Variants in PIKFYVE observed in about 807,000 individuals in gnomAD.
PIKFYVE encodes 1-phosphatidylinositol 3-phosphate 5-kinase.
A neutral mutation model predicts 257.9 loss-of-function variants in PIKFYVE; 122 were observed. That is an observed-to-expected ratio of 0.47 (90% CI 0.41 to 0.55). The LOEUF (loss-of-function observed/expected upper bound fraction) is 0.55. Among genes scored for constraint, PIKFYVE ranks in the 20% least tolerant of loss-of-function variants. PIKFYVE has a pLI of 0.00. For synonymous variants in PIKFYVE, 892 were observed against 868.9 expected (o/e 1.03, Z -0.47); for missense variants, 2,160 against 2,536.6 (o/e 0.85, Z 3.19).
chr2:208,353,812 G>A, intron 39 of PIKFYVE, 86 bp from the exon 40 acceptor site: 1 of 1,490,530 alleles, frequency 6.7e-7, no homozygotes. Flanking sequence ...ACTATAAGGA[G>A]TCTTTCTGCC....
rs149566519 is a variant in PIKFYVE, at chr2:208,304,932, G to A, written c.1555G>A (p.Val519Met). The change falls in exon 12 of 42, where the codon GTG (valine) becomes ATG (methionine). Residue 519 changes from valine (V) to methionine (M), a missense_variant. Physicochemically the swap from Val to Met is conservative, Grantham distance 21. Transcript: ENST00000264380. ...SDSAASISLN[V>M]ELDNVNFHIK... The stretch of plus-strand genomic sequence containing the variant: ...CTCAGCCGCTTCTATCAGCCTGAAC[G>A]TGGAGCTGGACAACGTGAACTTCCA... 1.5e-5 allele frequency: 25 copies of A among 1,613,968 alleles called. No individual in the cohort carries two copies. Among genetic ancestry groups the A allele is most frequent in the Middle Eastern group, 1.6e-4 (1 of 6,084 alleles).
chr2:208,288,475 TA>T (rs1463676844), intron 6 of PIKFYVE, among the ~76,000 whole-genome samples: 1 of 152,236 alleles, frequency 6.6e-6, no homozygotes, highest in Non-Finnish European at 1.5e-5. Context: ...CCCATCCAAC[TA>T]ACTTTATTTA....
At chr2:208,338,451 T>G in intron 28 of PIKFYVE, 57 bp from the exon 29 acceptor site, 3 of 1,554,744 alleles carry the variant, frequency 1.9e-6, no homozygotes, top group Non-Finnish European at 1.8e-6. Context: ...GATTAAAAAA[T>G]TTTTTGAATG....
chr2:208,288,109 C>T (rs1271726057), intron 6 of PIKFYVE, among the ~76,000 whole-genome samples: 1 of 152,106 alleles, frequency 6.6e-6, no homozygotes, highest in African/African-American at 2.4e-5. Context: ...CAAAACAAAT[C>T]AGGTAAGAAA....
At chr2:208,332,158 G>T (rs1697616704) in intron 23 of PIKFYVE, among the ~76,000 whole-genome samples, 1 of 152,042 alleles carries the variant, frequency 6.6e-6, no homozygotes, top group Admixed American at 6.6e-5. Context: ...AGAAAAATGG[G>T]CAGAGGACAT....
Position 208,355,074 on chromosome 2 carries a change from T to G in PIKFYVE, c.6182-116T>G, listed in dbSNP as rs10173047. On this transcript the variant is annotated intron_variant, in intron 41 of 41. Transcript: ENST00000264380. ...GATAACCTTTCCTGCCCACTCAGAC[T>G]GCTTCTGCATGTGTATCTTTATGGC... The G allele has an allele frequency of 3.5e-3, 2,854 of 804,922 alleles. 65 individuals carry two copies. The African/African-American group carries it at 0.042, about 12-fold the overall frequency. 49.9% of individuals were successfully genotyped at this position (804,922 alleles called of 1,614,324 possible).
At chr2:208,273,865 C>A in intron 3 of PIKFYVE, 132 bp downstream of exon 3, 1 of 1,349,062 alleles carries the variant, frequency 7.4e-7, no homozygotes, top group Non-Finnish European at 1.0e-6. Flanking sequence ...TTGAAATAGT[C>A]AGGTACTGTT....
chr2:208,306,889 C>CA (rs1355809233), intron 12 of PIKFYVE, among the ~76,000 whole-genome samples: 5 of 151,928 alleles, frequency 3.3e-5, no homozygotes, highest in Non-Finnish European at 5.9e-5. Flanking sequence ...GTGATTCTCC[C>CA]ACCTCAGCCT....
At chr2:208,353,410 A>G (rs953886724) in intron 39 of PIKFYVE, among the ~76,000 whole-genome samples, 12 of 152,346 alleles carry the variant, frequency 7.9e-5, no homozygotes, top group Middle Eastern at 6.8e-3. Flanking sequence ...CTGGTACTCA[A>G]GTCCCCTGTC....
chr2:208,343,350 T>C (rs1174980878), intron 32 of PIKFYVE, among the ~76,000 whole-genome samples: 1 of 152,174 alleles, frequency 6.6e-6, no homozygotes, highest in East Asian at 1.9e-4. Flanking sequence ...TCTACTACCC[T>C]ACATACGAGG....
intron 6 of PIKFYVE, among the ~76,000 whole-genome samples, chr2:208,286,223 TTTGTTGAACAGGCAACA>T (rs1691556014): frequency 2.0e-5 from 3 of 152,232 alleles, no homozygotes; most frequent in African/African-American, 7.2e-5. Context: ...CTTGATAATA[TTTGTTGAACAGGCAACA>T]AATTGAGATT....
intron 10 of PIKFYVE, among the ~76,000 whole-genome samples, chr2:208,303,697 C>T (rs746221307): frequency 6.6e-6 from 1 of 152,018 alleles, no homozygotes; most frequent in Non-Finnish European, 1.5e-5. Context: ...CAGTTTAAAC[C>T]CTTGTTCAAA....
At chr2:208,335,007 T>G (rs73983749) in intron 24 of PIKFYVE, among the ~76,000 whole-genome samples, 1 of 152,314 alleles carries the variant, frequency 6.6e-6, no homozygotes, top group African/African-American at 2.4e-5. Flanking sequence ...TATTTTAGTT[T>G]CCTTATTAAT....
Position 208,354,098 on chromosome 2 carries a change from A to C in PIKFYVE, c.6045A>C (p.Ile2015=). The change falls in exon 40 of 42, where the codon ATA becomes ATC. Residue 2015 remains isoleucine (I), a synonymous_variant. Coordinates refer to ENST00000264380, the MANE Select transcript of PIKFYVE (RefSeq NM_015040.4). ...ATTTCCTTTCTAGCCACCTCATTAT[A>C]GATTATTCTTTGCTGGTTGGGCGAG... ...DSHFLSSHLI[I]DYSLLVGRDD... 1 of 1,613,950 alleles carries C rather than the reference A, an allele frequency of 6.2e-7. No homozygotes were observed. The highest frequency in any genetic ancestry group is 1.7e-5 in the Admixed American group (1 of 60,008).
At chr2:208,343,732 G>A (rs1297764780) in intron 32 of PIKFYVE, among the ~76,000 whole-genome samples, 4 of 152,042 alleles carry the variant, frequency 2.6e-5, no homozygotes, top group Non-Finnish European at 4.4e-5. Flanking sequence ...GCCTTATTCC[G>A]TAGACATTTC....
At chr2:208,335,176 T>C in intron 24 of PIKFYVE, 130 bp from the exon 25 acceptor site, 1 of 710,530 alleles carries the variant, frequency 1.4e-6, no homozygotes, top group Admixed American at 2.5e-5. Flanking sequence ...TTGTGATTGT[T>C]TTAAAATACG....
chr2:208,325,195 G>A (rs774653501), intron 19 of PIKFYVE, 75 bp from the exon 20 acceptor site: 9 of 1,559,056 alleles, frequency 5.8e-6, no homozygotes, highest in Non-Finnish European at 7.9e-6. Context: ...GATATTAAGA[G>A]AGTGAATTAA....
chr2:208,354,003 C>T lies in PIKFYVE; in HGVS notation c.5950C>T (p.Arg1984Ter), dbSNP rs749786842. ...AGATGAAAATCTCCTAAAGATGGTT[C>T]GAGACAACCCTCTATATATTCGTTC... ...LLDENLLKMVRDNPLYIRSHS... is the reference protein window; with the variant it reads ...LLDENLLKMV Residue 1984 changes from arginine (R) to a stop codon, truncating the protein, a stop_gained, in exon 40 of 42, where the codon CGA becomes TGA. Coordinates refer to ENST00000264380, the MANE Select transcript of PIKFYVE (RefSeq NM_015040.4). LOFTEE classifies it high-confidence loss of function. 6 of 1,613,990 alleles carry T rather than the reference C, an allele frequency of 3.7e-6. No individual in the cohort carries two copies. Among genetic ancestry groups the T allele is most frequent in the South Asian group, 1.1e-5 (1 of 91,070 alleles).
rs763292424 is a variant in PIKFYVE at position 208,333,333 on chromosome 2, C to G, written c.3982C>G (p.Leu1328Val). The G allele has an allele frequency of 1.9e-6, 3 of 1,614,002 alleles. No homozygotes were observed. Among genetic ancestry groups the G allele is most frequent in the Non-Finnish European group, 2.5e-6 (3 of 1,179,986 alleles). ...ICKQVTPVVA[L>V]SNESWSMSFA... The stretch of plus-strand genomic sequence containing the variant: ...ATTCCAGGTAACACCAGTTGTTGCT[C>G]TTTCCAATGAGTCCTGGTCTATGTC... Residue 1328 changes from leucine to valine, a missense_variant, in exon 24 of 42, where the codon CTT becomes GTT. Around this residue, in one of 12 missense-constraint regions of PIKFYVE, gnomAD observed 699 missense variants for 855.8 expected, o/e 0.82. Transcript: ENST00000264380.
Sources: gnomAD v4.1 joint callset for allele counts (sites outside exome capture counted in the v4.1 genomes callset) on GRCh38, gnomAD v4.1.1 for gene constraint, gnomAD v4.1.1 regional missense constraint, MANE v1.5 for transcripts, NCBI Gene and HGNC (gene_info 2026-07-23, HGNC 2026-07-21) for gene names.